CLPTM1: variants seen among roughly 807,000 people sequenced by gnomAD.
The protein encoded by CLPTM1 is CLPTM1 regulator of GABA type A receptor forward trafficking, also known as putative lipid scramblase CLPTM1.
A neutral mutation model predicts 77.3 loss-of-function variants in CLPTM1; 21 were observed. That is an observed-to-expected ratio of 0.27 (90% confidence interval 0.19 to 0.39). The LOEUF (loss-of-function observed/expected upper bound fraction) is 0.39, where lower values mean the gene tolerates loss of function less well. Among genes scored for constraint, CLPTM1 ranks in the 10% least tolerant of loss-of-function variants. The probability of loss-of-function intolerance (pLI) is 1.00; values close to 1 mark genes in which losing one functional copy is unlikely to be tolerated. For synonymous variants in CLPTM1, 373 were observed against 381.0 expected (o/e 0.98, Z 0.24); for missense variants, 642 against 921.2 (o/e 0.70, Z 3.92).
intron 9 of CLPTM1, among the ~76,000 whole-genome samples, chr19:44,989,346 C>G (rs1329266969): frequency 1.3e-5 from 2 of 152,168 alleles, no homozygotes; most frequent in Non-Finnish European, 2.9e-5. Flanking sequence ...CACAAGAAGG[C>G]TGTCCTCCCC....
chr19:44,962,255 A>C (rs1015882415), intron 2 of CLPTM1, among the ~76,000 whole-genome samples, 180 bp downstream of exon 2: 1 of 151,566 alleles, frequency 6.6e-6, no homozygotes, highest in Admixed American at 6.6e-5. Flanking sequence ...CTGGTAAAAC[A>C]TACTGAAGTA....
intron 5 of CLPTM1, chr19:44,984,156 G>A (rs1010627968): frequency 4.6e-5 from 7 of 152,256 alleles, no homozygotes; most frequent in Non-Finnish European, 8.8e-5. Flanking sequence ...TCTCATCTTG[G>A]TTTCTCATGT....
At chr19:44,954,779 T>C, upstream of CLPTM1, 4 of 1,349,312 alleles carry the variant, frequency 3.0e-6, no homozygotes, top group Non-Finnish European at 1.9e-6. Flanking sequence ...TAGGGTCTCA[T>C]CGGAGGTTTG....
chr19:44,973,785 A>C (rs1970762421), intron 3 of CLPTM1, among the ~76,000 whole-genome samples: 1 of 6,168 alleles, frequency 1.6e-4, no homozygotes, highest in African/African-American at 4.8e-4. Context: ...TTTTTTTGAG[A>C]TGGAGTCTCA....
intron 2 of CLPTM1, among the ~76,000 whole-genome samples, chr19:44,963,450 C>T (rs545110700): frequency 3.1e-4 from 46 of 146,496 alleles, no homozygotes; most frequent in Non-Finnish European, 5.9e-4. Context: ...CTCAGCCTCC[C>T]GAGTAGCTGG....
chr19:44,978,402 T>C (rs1443460716), intron 5 of CLPTM1, among the ~76,000 whole-genome samples: 1 of 124,532 alleles, frequency 8.0e-6, no homozygotes. Context: ...AGACTCCGTC[T>C]CCGTCTCAAA....
chr19:44,966,321 G>GAAT (rs1970627450), intron 2 of CLPTM1, among the ~76,000 whole-genome samples: 2 of 152,130 alleles, frequency 1.3e-5, no homozygotes, highest in Non-Finnish European at 2.9e-5. Context: ...TGAGGCAGGA[G>GAAT]GATGGCGTGA....
chr19:44,955,743 C>G (rs375149529), intron 1 of CLPTM1: 9 of 356,330 alleles, frequency 2.5e-5, no homozygotes, highest in Middle Eastern at 7.3e-4. Context: ...GGGGCGCAGG[C>G]TTGTACCTTG....
chr19:44,971,681 C>T (rs546258295), intron 2 of CLPTM1, among the ~76,000 whole-genome samples: 2 of 151,980 alleles, frequency 1.3e-5, no homozygotes, highest in Non-Finnish European at 2.9e-5. Flanking sequence ...ACCTCAGTCC[C>T]CCAAGTAGCT....
chr19:44,955,591 A>C, intron 1 of CLPTM1, 124 bp downstream of exon 1: 2 of 966,416 alleles, frequency 2.1e-6, no homozygotes, highest in East Asian at 3.4e-5. Context: ...GGGACCTTGA[A>C]TACCCGGCCC....
Position 44,990,389 on chromosome 19 carries a change from GCA to G in CLPTM1, c.1133-3_1133-2del. On this transcript the variant is annotated splice_region_variant and splice_polypyrimidine_tract_variant and intron_variant, in intron 9 of 13. Coordinates refer to ENST00000337392, the MANE Select transcript of CLPTM1 (RefSeq NM_001294.4). This position sits in a 1 kb window ranked among gnomAD's most constrained non-coding sequence, Gnocchi z 4.8. ...CTCCTGGTTCCCCCCTACCCCCTGC[GCA>G]CAGATATCCAGTTCTGGAACAGCCG... The G allele has an allele frequency of 1.2e-6, 2 of 1,613,702 alleles. No homozygotes were observed. Among genetic ancestry groups the G allele is most frequent in the Non-Finnish European group, 1.7e-6 (2 of 1,179,762 alleles).
intron 5 of CLPTM1, 44 bp from the exon 6 acceptor site, chr19:44,985,174 C>T (rs745610795): frequency 6.9e-7 from 1 of 1,458,652 alleles, no homozygotes; most frequent in South Asian, 1.1e-5. Flanking sequence ...GCTGCAGGTG[C>T]CAGCAGGTCT....
chr19:44,967,026 A>G (rs1970642637), intron 2 of CLPTM1, among the ~76,000 whole-genome samples: 1 of 152,122 alleles, frequency 6.6e-6, no homozygotes, highest in Non-Finnish European at 1.5e-5. Context: ...TATTTTTAGT[A>G]GAGACAGGGT....
intron 1 of CLPTM1, among the ~76,000 whole-genome samples, chr19:44,958,902 C>T (rs1382614941): frequency 1.3e-5 from 2 of 152,224 alleles, no homozygotes; most frequent in African/African-American, 4.8e-5. Flanking sequence ...AGGATCTAAA[C>T]AACATCCAGT....
At chr19:44,982,653 T>C (rs1281908752) in intron 5 of CLPTM1, among the ~76,000 whole-genome samples, 1 of 152,246 alleles carries the variant, frequency 6.6e-6, no homozygotes, top group Non-Finnish European at 1.5e-5. Flanking sequence ...GGACAGTCTC[T>C]GTCAGGTGTG....
intron 2 of CLPTM1, among the ~76,000 whole-genome samples, chr19:44,963,646 G>A (rs1433432864): frequency 6.7e-6 from 1 of 149,196 alleles, no homozygotes; most frequent in African/African-American, 2.5e-5. Context: ...TTGTAATGGA[G>A]TCTCGCTCTG....
chr19:44,975,123 C>T (rs1167882038), intron 4 of CLPTM1, among the ~76,000 whole-genome samples: 1 of 152,220 alleles, frequency 6.6e-6, no homozygotes, highest in Non-Finnish European at 1.5e-5. Flanking sequence ...GGCTCTACGG[C>T]TGTGGACTCT....
At chr19:44,977,226 T>G in intron 4 of CLPTM1, 117 bp from the exon 5 acceptor site, 1 of 774,390 alleles carries the variant, frequency 1.3e-6, no homozygotes, top group Non-Finnish European at 2.2e-6. Context: ...GAGTACTCAG[T>G]AAATGGCCAG....
chr19:44,972,082 G>A (rs182715958), intron 2 of CLPTM1, among the ~76,000 whole-genome samples: 17 of 151,316 alleles, frequency 1.1e-4, no homozygotes, highest in Non-Finnish European at 2.4e-4. Flanking sequence ...TGTTGGCCAC[G>A]ATGATCTCGA....
Sources: gnomAD v4.1 joint callset for allele counts (sites outside exome capture counted in the v4.1 genomes callset) on GRCh38, gnomAD v4.1.1 for gene constraint, Gnocchi (gnomAD v3.1) non-coding constraint, MANE v1.5 for transcripts, NCBI Gene and HGNC (gene_info 2026-07-23, HGNC 2026-07-21) for gene names.